Variants in LAMA2 observed in about 807,000 individuals in gnomAD.
LAMA2 encodes the protein laminin subunit alpha-2.
In LAMA2, 269 loss-of-function variants were observed where a neutral mutation model predicts 364.8. The ratio of observed to expected loss-of-function variants is 0.74; its 90% confidence interval spans 0.67 to 0.82. The LOEUF (loss-of-function observed/expected upper bound fraction) is 0.82, where lower values mean the gene tolerates loss of function less well. Ranked by LOEUF, LAMA2 falls within the 40% of genes least tolerant of loss-of-function variation. LAMA2 has a pLI of 0.00. For synonymous variants in LAMA2, 1,379 were observed against 1,370.6 expected (o/e 1.01, Z -0.14); for missense variants, 3,807 against 3,873.2 (o/e 0.98, Z 0.45).
intron 1 of LAMA2, among the ~76,000 whole-genome samples, chr6:128,884,195 T>C (rs1776017704): frequency 6.6e-6 from 1 of 152,188 alleles, no homozygotes. Flanking sequence ...TTGGGGAGTC[T>C]TTGAAGAGTT....
intron 38 of LAMA2, 60 bp from the exon 39 acceptor site, chr6:129,402,264 T>C: frequency 1.5e-6 from 2 of 1,303,036 alleles, no homozygotes; most frequent in Non-Finnish European, 2.2e-6. Context: ...ATAGAGAAAT[T>C]AGTAAAAGAG....
intron 1 of LAMA2, chr6:128,929,957 T>TGCGGAGGCGATCTTTGCGCAGGA: frequency 1.4e-6 from 1 of 697,056 alleles, no homozygotes; most frequent in Non-Finnish European, 2.5e-6. Flanking sequence ...GACCCACCAC[T>TGCGGAGGCGATCTTTGCGCAGGA]CCCTCATCCT....
At chr6:128,883,823 CACACACACACACAT>C (rs1166068895) in intron 1 of LAMA2, among the ~76,000 whole-genome samples, 11 of 142,262 alleles carry the variant, frequency 7.7e-5, no homozygotes, top group African/African-American at 1.2e-4. Flanking sequence ...CACACACACA[CACACACACACACAT>C]ATATATATAT....
intron 32 of LAMA2, among the ~76,000 whole-genome samples, chr6:129,362,514 G>A (rs888336296): frequency 6.6e-6 from 1 of 151,984 alleles, no homozygotes; most frequent in African/African-American, 2.4e-5. Context: ...ATTAACCCTT[G>A]CCATTCTCTT....
intron 3 of LAMA2, among the ~76,000 whole-genome samples, chr6:129,097,499 G>A (rs1360661517): frequency 1.3e-5 from 2 of 151,804 alleles, no homozygotes; most frequent in African/African-American, 2.4e-5. Flanking sequence ...CCCTTTTCTT[G>A]CATGTTTACC....
chr6:129,339,311 C>A (rs1776126203), intron 29 of LAMA2, among the ~76,000 whole-genome samples: 1 of 152,132 alleles, frequency 6.6e-6, no homozygotes, highest in Non-Finnish European at 1.5e-5. Flanking sequence ...AGGTTGCTGA[C>A]CTTGGCAATT....
At chr6:129,005,474 AT>A (rs1203114803) in intron 1 of LAMA2, among the ~76,000 whole-genome samples, 5 of 152,100 alleles carry the variant, frequency 3.3e-5, no homozygotes, top group African/African-American at 9.6e-5. Context: ...TTTTAAAAAA[AT>A]ATCTTGATAC....
intron 12 of LAMA2, among the ~76,000 whole-genome samples, chr6:129,214,411 G>A (rs1361118258): frequency 6.6e-6 from 1 of 152,082 alleles, no homozygotes; most frequent in East Asian, 1.9e-4. Context: ...CCTCTCCAAG[G>A]CACCACCTCT....
intron 29 of LAMA2, among the ~76,000 whole-genome samples, chr6:129,332,882 CATTTTT>C (rs1393126643): frequency 9.1e-5 from 9 of 98,872 alleles, no homozygotes; most frequent in Non-Finnish European, 1.6e-4. Context: ...TTAAGTTTAC[CATTTTT>C]TTTTTTTTTT....
At chr6:129,043,641 A>G (rs575486890) in intron 1 of LAMA2, among the ~76,000 whole-genome samples, 1 of 152,236 alleles carries the variant, frequency 6.6e-6, no homozygotes, top group South Asian at 2.1e-4. Context: ...GCTTTTTCTC[A>G]TAAGTATGAG....
At chr6:128,913,830 A>T (rs774998060) in intron 1 of LAMA2, among the ~76,000 whole-genome samples, 26 of 152,160 alleles carry the variant, frequency 1.7e-4, no homozygotes, top group Non-Finnish European at 3.1e-4. Context: ...GTTTGTGTGC[A>T]AGGGAAAAGA....
At chr6:129,212,616 T>A (rs375851) in intron 12 of LAMA2, among the ~76,000 whole-genome samples, 8,675 of 152,044 alleles carry the variant, frequency 0.057, 820 homozygotes, top group African/African-American at 0.2. Flanking sequence ...TCTATGAGAG[T>A]CATAAAAAAA....
At chr6:128,964,535 T>A (rs1781726191) in intron 1 of LAMA2, among the ~76,000 whole-genome samples, 1 of 152,042 alleles carries the variant, frequency 6.6e-6, no homozygotes, top group African/African-American at 2.4e-5. Flanking sequence ...ATGTTTTGAA[T>A]CCCTACTTTC....
intron 31 of LAMA2, among the ~76,000 whole-genome samples, chr6:129,350,470 G>A (rs763832410): frequency 3.9e-5 from 6 of 152,226 alleles, no homozygotes; most frequent in African/African-American, 1.2e-4. Flanking sequence ...CCTTCCTGCA[G>A]TGGCCCATGA....
At chr6:129,464,102 G>T (rs1054479507) in intron 49 of LAMA2, among the ~76,000 whole-genome samples, 188 bp from the exon 50 acceptor site, 4 of 151,954 alleles carry the variant, frequency 2.6e-5, no homozygotes, top group African/African-American at 9.7e-5. Flanking sequence ...CATGAAAGGT[G>T]AGAGGTGGTT....
intron 1 of LAMA2, among the ~76,000 whole-genome samples, chr6:128,946,868 TCC>T (rs1780515826): frequency 6.6e-6 from 1 of 152,194 alleles, no homozygotes; most frequent in Admixed American, 6.6e-5. Context: ...GATAAGTAGG[TCC>T]CATTGAATAT....
At chr6:129,490,221 T>C (rs1784792556) in intron 56 of LAMA2, among the ~76,000 whole-genome samples, 1 of 152,144 alleles carries the variant, frequency 6.6e-6, no homozygotes. Flanking sequence ...TTAATTAATA[T>C]TTTCCGCTGT....
At chr6:129,110,679 A>C (rs1776108322) in intron 4 of LAMA2, among the ~76,000 whole-genome samples, 1 of 152,054 alleles carries the variant, frequency 6.6e-6, no homozygotes, top group Admixed American at 6.6e-5. Context: ...GAAGGAACTG[A>C]TTTGAGGTCA....
chr6:129,516,475 C>A lies in LAMA2; in HGVS notation c.*128C>A. The A allele has an allele frequency of 1.1e-6, 1 of 927,460 alleles. No individual in the cohort carries two copies. The highest frequency in any genetic ancestry group is 1.7e-6 in the Non-Finnish European group (1 of 585,824). The allele number at this position is 927,460 out of a possible 1,614,324, so 57.5% of individuals were successfully genotyped here. On this transcript the variant is annotated 3_prime_UTR_variant, in exon 65 of 65. Coordinates refer to ENST00000421865, the MANE Select transcript of LAMA2 (RefSeq NM_000426.4). ...ATGTACATAGAATTCTTTCTGTATT[C>A]AGATGGTGCTAATTCAGACTCCAGA...
Sources: gnomAD v4.1 joint callset for allele counts (sites outside exome capture counted in the v4.1 genomes callset) on GRCh38, gnomAD v4.1.1 for gene constraint, MANE v1.5 for transcripts, NCBI Gene and HGNC (gene_info 2026-07-23, HGNC 2026-07-21) for gene names.